The following GNB5 variants were observed in gnomAD, a reference collection of about 807,000 sequenced individuals.
GNB5 encodes the protein guanine nucleotide-binding protein subunit beta-5.
GNB5 carries 37 observed loss-of-function variants against 55.3 expected under a neutral mutation model. That is an observed-to-expected ratio of 0.67 (90% confidence interval 0.51 to 0.88). The LOEUF (loss-of-function observed/expected upper bound fraction) is 0.88, where lower values mean the gene tolerates loss of function less well. GNB5 is among the 40% of genes least tolerant of loss of function. The pLI is 0.00. For synonymous variants in GNB5, 219 were observed against 198.5 expected (o/e 1.10, Z -0.87); for missense variants, 476 against 515.3 (o/e 0.92, Z 0.74).
chr15:52,190,279 G>A (rs995945852), intron 1 of GNB5, among the ~76,000 whole-genome samples: 15 of 151,818 alleles, frequency 9.9e-5, no homozygotes, highest in Admixed American at 7.2e-4. Context: ...CACCTCACCC[G>A]GCTAATTTCT....
intron 7 of GNB5, 96 bp from the exon 8 acceptor site, chr15:52,135,852 A>AACAAACAC (rs2033691016): frequency 1.9e-6 from 1 of 520,996 alleles, no homozygotes; most frequent in African/African-American, 3.5e-5. Flanking sequence ...GGAAAAGCAG[A>AACAAACAC]ACACACACAC....
intron 1 of GNB5, among the ~76,000 whole-genome samples, chr15:52,185,305 G>A (rs902834111): frequency 2.0e-4 from 30 of 152,228 alleles, no homozygotes; most frequent in Non-Finnish European, 4.0e-4. Context: ...TGGCTGCCTG[G>A]TCCCGGCCCA....
At chr15:52,147,241 G>T in intron 6 of GNB5, 4 of 395,622 alleles carry the variant, frequency 1.0e-5, no homozygotes, top group Non-Finnish European at 1.4e-5. Context: ...GGGCTCAAGT[G>T]ATCCTCCCAC....
intron 2 of GNB5, among the ~76,000 whole-genome samples, chr15:52,181,670 A>G (rs1193127858): frequency 2.0e-5 from 3 of 152,136 alleles, no homozygotes; most frequent in Non-Finnish European, 4.4e-5. Context: ...GTGGGTGAAG[A>G]CTTTAGCAGA....
intron 11 of GNB5, chr15:52,125,404 C>G (rs550057918): frequency 6.5e-6 from 1 of 153,158 alleles, no homozygotes; most frequent in South Asian, 2.1e-4. Flanking sequence ...GCCTCAGCCT[C>G]CTGAGTAGCT....
intron 3 of GNB5, among the ~76,000 whole-genome samples, chr15:52,154,581 C>T (rs899003395): frequency 2.6e-5 from 4 of 152,146 alleles, no homozygotes; most frequent in Admixed American, 6.5e-5. Context: ...CTCATCACAA[C>T]GAAAACTGAC....
chr15:52,142,977 A>G (rs1328101221), intron 6 of GNB5, among the ~76,000 whole-genome samples: 1 of 152,084 alleles, frequency 6.6e-6, no homozygotes, highest in Non-Finnish European at 1.5e-5. Flanking sequence ...CAACATGGAG[A>G]AACCCCATCT....
chr15:52,142,884 G>A (rs2033889049), intron 6 of GNB5, among the ~76,000 whole-genome samples: 2 of 150,924 alleles, frequency 1.3e-5, no homozygotes, highest in African/African-American at 4.9e-5. Context: ...GCTGGGCACG[G>A]TGGCTCACAT....
In GNB5 at chr15:52,154,452, C is replaced by T. The variant is rs139278683; in HGVS notation, c.239-376G>A. Among the ~76,000 whole-genome samples, 9 of 152,276 alleles carry T rather than the reference C, an allele frequency of 5.9e-5. No individual in the cohort carries two copies. In the East Asian group the frequency reaches 1.3e-3, roughly 23 times the overall value. ...GGCAGGATGGGCAGGAGAGTGAGAC[C>T]GCTATGCCCATTTAGCAGATGGGGA... On this transcript the variant is annotated intron_variant, in intron 3 of 12. Transcript: ENST00000261837.
intron 1 of GNB5, among the ~76,000 whole-genome samples, chr15:52,185,912 G>C (rs2034840260): frequency 6.6e-6 from 1 of 151,982 alleles, no homozygotes; most frequent in South Asian, 2.1e-4. Flanking sequence ...CCAAGTAGTT[G>C]GGATTACAGG....
chr15:52,153,055 T>C (rs994990817), intron 4 of GNB5, among the ~76,000 whole-genome samples: 5 of 152,248 alleles, frequency 3.3e-5, no homozygotes, highest in African/African-American at 1.2e-4. Context: ...AGCCTCTTGA[T>C]AGTCACACTT....
chr15:52,141,741 A>G lies in GNB5; in HGVS notation c.495-469T>C, dbSNP rs139734939. Among the ~76,000 whole-genome samples, 62 of 152,304 alleles carry G rather than the reference A, an allele frequency of 4.1e-4. 1 individual carries two copies. Among genetic ancestry groups the G allele is most frequent in the Non-Finnish European group, 8.2e-4 (56 of 68,014 alleles). On this transcript the variant is annotated intron_variant, in intron 6 of 12. Transcript: ENST00000261837. ...ACTGCAGATATGACATTTTCCTTCT[A>G]AACACTTCCACTTGCAAATTTACAT...
intron 11 of GNB5, chr15:52,125,273 G>A (rs1465415790): frequency 1.3e-5 from 2 of 152,490 alleles, no homozygotes; most frequent in African/African-American, 4.8e-5. Context: ...AAGGCACTGA[G>A]AAGGGACTCA....
At chr15:52,147,577 A>G in intron 5 of GNB5, 42 bp from the exon 6 acceptor site, 1 of 1,128,064 alleles carries the variant, frequency 8.9e-7, no homozygotes, top group Admixed American at 2.4e-5. Flanking sequence ...CTTCCACACA[A>G]AAATCTTTTT....
intron 7 of GNB5, chr15:52,137,862 G>C: frequency 7.8e-7 from 1 of 1,286,844 alleles, no homozygotes. Flanking sequence ...ACAGGGCCTG[G>C]GTGAGGTGAT....
chr15:52,138,602 A>C (rs1174941701), intron 7 of GNB5: 1 of 152,090 alleles, frequency 6.6e-6, no homozygotes, highest in Non-Finnish European at 1.5e-5. Flanking sequence ...CGAGGCTGAA[A>C]TTTGGGTACT....
intron 7 of GNB5, chr15:52,137,070 T>TGG: frequency 2.0e-6 from 1 of 504,210 alleles, no homozygotes; most frequent in East Asian, 6.9e-5. Context: ...AAGACCCACC[T>TGG]TAAAATCACC....
At chr15:52,144,495 G>A (rs1170292729) in intron 6 of GNB5, 2 of 152,200 alleles carry the variant, frequency 1.3e-5, no homozygotes, top group African/African-American at 2.4e-5. Context: ...GTGAAGAACT[G>A]ACACTGCAGC....
Position 52,117,102 on chromosome 15 carries a change from A to ATATATATATATATTTTTTTTTTTTT in GNB5, c.*5654_*5655insAAAAAAAAAAAAATATATATATATA. 4 of 87,100 alleles carry ATATATATATATATTTTTTTTTTTTT rather than the reference A, an allele frequency of 4.6e-5. No individual in the cohort carries two copies. The highest frequency in any genetic ancestry group is 2.4e-4 in the African/African-American group (4 of 16,446). 5.4% of individuals were successfully genotyped at this position (87,100 alleles called of 1,614,324 possible). A position where few individuals can be genotyped will look rare whatever the true frequency, so the allele number is the denominator to read the frequency against. On this transcript the variant is annotated 3_prime_UTR_variant, in exon 13 of 13. Transcript: ENST00000261837. Reference sequence around the variant, plus strand: ...CCACGCCCAGCTAATATATATATATATTTTTTTTTAGTACAGACAGGGTTT... The same window carrying ATATATATATATATTTTTTTTTTTTT: ...CCACGCCCAGCTAATATATATATATATATATATATATATTTTTTTTTTTTTTTTTTTTTTAGTACAGACAGGGTTT...
Sources: gnomAD v4.1 joint callset for allele counts (sites outside exome capture counted in the v4.1 genomes callset) on GRCh38, gnomAD v4.1.1 for gene constraint, MANE v1.5 for transcripts, NCBI Gene and HGNC (gene_info 2026-07-23, HGNC 2026-07-21) for gene names.